PTGER3: variants seen among roughly 807,000 people sequenced by gnomAD.
PTGER3 encodes prostaglandin E receptor 3, also known as prostaglandin E2 receptor EP3 subtype.
Under a neutral mutation model 34.7 loss-of-function variants are expected in PTGER3, and 22 were observed. The observed-to-expected ratio is 0.63, with a 90% CI of 0.45 to 0.91. The LOEUF (loss-of-function observed/expected upper bound fraction) is 0.91. PTGER3 is among the 40% of genes least tolerant of loss of function. PTGER3 has a pLI of 0.00. For missense variants in PTGER3, 468 were observed against 519.4 expected (o/e 0.90, Z 0.96); for synonymous variants, 241 against 230.1 (o/e 1.05, Z -0.43).
chr1:71,036,454 C>A (rs1659831274), intron 1 of PTGER3, among the ~76,000 whole-genome samples: 1 of 152,120 alleles, frequency 6.6e-6, no homozygotes, highest in Admixed American at 6.5e-5. Context: ...TAGTTCAAGG[C>A]TGCAGTGAGC....
chr1:70,858,201 C>CTT (rs35355255), intron 4 of PTGER3, among the ~76,000 whole-genome samples: 15,122 of 134,022 alleles, frequency 0.11, 936 homozygotes, highest in African/African-American at 0.15. Context: ...AACACAGATT[C>CTT]TTTTTTTTTT....
Position 71,010,784 on chromosome 1 carries a change from A to G in PTGER3, c.1077+1521T>C, listed in dbSNP as rs187010757. ...TCAACAGATTTTGTCTCCAAATTCA[A>G]TTTGACATGGTCATTTAAAATAATT... is the stretch of plus-strand genomic sequence containing the variant. On this transcript the variant is annotated intron_variant, in intron 2 of 3. Transcript: ENST00000306666. 9 of 985,280 alleles carry G rather than the reference A, an allele frequency of 9.1e-6. No homozygotes were observed. The Admixed American group carries it at 4.9e-4, about 54-fold the overall frequency. The allele number at this position is 985,280 out of a possible 1,614,324, so 61.0% of individuals were successfully genotyped here. A position where few individuals can be genotyped will look rare whatever the true frequency, so the allele number is the denominator to read the frequency against.
At chr1:71,035,676 G>T (rs1659756357) in intron 1 of PTGER3, among the ~76,000 whole-genome samples, 2 of 152,232 alleles carry the variant, frequency 1.3e-5, no homozygotes, top group Middle Eastern at 3.4e-3. Flanking sequence ...CATTGTACTT[G>T]TGGTAGAAAT....
intron 2 of PTGER3, among the ~76,000 whole-genome samples, chr1:70,978,640 A>C (rs935102206): frequency 6.6e-6 from 1 of 152,148 alleles, no homozygotes; most frequent in Non-Finnish European, 1.5e-5. Context: ...AATTGAAATA[A>C]CAAGAAATAG....
chr1:70,872,382 T>C (rs370705069), intron 4 of PTGER3, among the ~76,000 whole-genome samples: 2 of 152,222 alleles, frequency 1.3e-5, no homozygotes, highest in African/African-American at 4.8e-5. Flanking sequence ...AAGCTTTGTG[T>C]CAAAATTTTG....
intron 1 of PTGER3, among the ~76,000 whole-genome samples, chr1:71,020,408 TC>T (rs1159070809): frequency 1.3e-5 from 2 of 152,198 alleles, no homozygotes; most frequent in African/African-American, 4.8e-5. Context: ...GTCATTTATC[TC>T]TGAACTTTAT....
At chr1:70,932,638 C>A (rs1180899037) in intron 4 of PTGER3, among the ~76,000 whole-genome samples, 1 of 152,160 alleles carries the variant, frequency 6.6e-6, no homozygotes, top group African/African-American at 2.4e-5. Context: ...GACTTATTCA[C>A]TGCCAGGAGA....
intron 4 of PTGER3, among the ~76,000 whole-genome samples, chr1:70,876,723 A>G (rs746218293): frequency 2.0e-5 from 3 of 152,128 alleles, no homozygotes; most frequent in Non-Finnish European, 2.9e-5. Context: ...TCCTTTCCCC[A>G]TTACTTGTTT....
intron 2 of PTGER3, among the ~76,000 whole-genome samples, chr1:70,983,562 G>A (rs939905925): frequency 6.6e-6 from 1 of 152,116 alleles, no homozygotes; most frequent in Admixed American, 6.5e-5. Context: ...AAAGAACCCA[G>A]CACAATGCCT....
At chr1:70,996,221 T>G (rs1655925476) in intron 2 of PTGER3, among the ~76,000 whole-genome samples, 1 of 152,166 alleles carries the variant, frequency 6.6e-6, no homozygotes, top group Non-Finnish European at 1.5e-5. Context: ...TTTTTGTGCT[T>G]TAAAAGAGAT....
downstream of PTGER3, among the ~76,000 whole-genome samples, chr1:70,966,694 G>C (rs1233490941): frequency 6.6e-6 from 1 of 152,078 alleles, no homozygotes; most frequent in African/African-American, 2.4e-5. Context: ...ATGAGAACAT[G>C]TGGTGTTTGG....
intron 4 of PTGER3, among the ~76,000 whole-genome samples, chr1:70,901,851 C>T (rs937697980): frequency 6.6e-6 from 1 of 152,086 alleles, no homozygotes; most frequent in Non-Finnish European, 1.5e-5. Context: ...AAGGATTTCA[C>T]TACAAAAAGG....
At chr1:70,966,832 C>G (rs749714222), downstream of PTGER3, among the ~76,000 whole-genome samples, 3 of 152,034 alleles carry the variant, frequency 2.0e-5, no homozygotes, top group South Asian at 6.2e-4. Context: ...ACCACATTTT[C>G]TTTATCCAGT....
intron 2 of PTGER3, among the ~76,000 whole-genome samples, chr1:71,005,591 C>A (rs984168315): frequency 3.3e-5 from 5 of 152,090 alleles, no homozygotes; most frequent in Admixed American, 1.3e-4. Context: ...GGTCTTAGTA[C>A]CTACCAGAGC....
chr1:71,047,560 G>A lies in PTGER3; in HGVS notation c.18C>T (p.Gly6=). The A allele has an allele frequency of 6.4e-7, 1 of 1,555,216 alleles. No individual in the cohort carries two copies. The change falls in exon 1 of 4, where the codon GGC becomes GGT. Residue 6 remains glycine (G), a synonymous_variant. Transcript: ENST00000306666. MKETR[G]YGGDAPFCTR... is the part of the protein sequence containing the mutation. ...TGCAGAAGGGGGCATCCCCTCCGTAGCCCCGGGTCTCCTTCATGTTGGCTT... is the reference window on the plus strand; with the variant it reads ...TGCAGAAGGGGGCATCCCCTCCGTAACCCCGGGTCTCCTTCATGTTGGCTT...
At chr1:70,988,795 G>T (rs1171652717) in intron 2 of PTGER3, among the ~76,000 whole-genome samples, 2 of 152,016 alleles carry the variant, frequency 1.3e-5, no homozygotes, top group African/African-American at 2.4e-5. Flanking sequence ...TAGTGATAAA[G>T]TCATCCCATC....
downstream of PTGER3, among the ~76,000 whole-genome samples, chr1:70,950,410 G>A (rs1650643872): frequency 6.6e-6 from 1 of 152,160 alleles, no homozygotes; most frequent in Non-Finnish European, 1.5e-5. Flanking sequence ...AAAGAATGGA[G>A]GCATTCCAGT....
rs576448927 is a variant in PTGER3 at position 70,990,353 on chromosome 1, TCACACA to T, written c.1078-15971_1078-15966del. ...GCCTGGGCGACAGAACGAGACTGTC[TCACACA>T]CACACACACACACACACACACACAC... is the stretch of plus-strand genomic sequence containing the variant. On this transcript the variant is annotated intron_variant, in intron 2 of 3. Transcript: ENST00000306666. 5.5e-3 allele frequency among the ~76,000 whole-genome samples: 717 copies of T among 130,784 alleles called. 9 individuals are homozygous for T. Among genetic ancestry groups the T allele is most frequent in the African/African-American group, 0.019 (673 of 34,738 alleles). 85.8% of individuals were successfully genotyped at this position (130,784 alleles called of 152,430 possible).
At chr1:70,913,106 A>G (rs1490068444) in intron 4 of PTGER3, among the ~76,000 whole-genome samples, 1 of 151,790 alleles carries the variant, frequency 6.6e-6, no homozygotes, top group African/African-American at 2.4e-5. Flanking sequence ...GCAATATTTA[A>G]TTTTTCATTT....
Sources: gnomAD v4.1 joint callset for allele counts (sites outside exome capture counted in the v4.1 genomes callset) on GRCh38, gnomAD v4.1.1 for gene constraint, MANE v1.5 for transcripts, NCBI Gene and HGNC (gene_info 2026-07-23, HGNC 2026-07-21) for gene names.